The following FRMD4B variants were observed in gnomAD, a reference collection of about 807,000 sequenced individuals.
The protein encoded by FRMD4B is FERM domain containing 4B.
FRMD4B carries 74 observed loss-of-function variants against 141.5 expected under a neutral mutation model. That is an observed-to-expected ratio of 0.52 (90% CI 0.43 to 0.63). The LOEUF (loss-of-function observed/expected upper bound fraction) is 0.63. FRMD4B is among the 30% of genes least tolerant of loss of function. FRMD4B has a pLI of 0.00. For missense variants in FRMD4B, 1,366 were observed against 1,253.4 expected (o/e 1.09, Z -1.36); for synonymous variants, 506 against 467.9 (o/e 1.08, Z -1.05).
intron 11 of FRMD4B, among the ~76,000 whole-genome samples, chr3:69,212,430 G>A (rs933830652): frequency 1.3e-5 from 2 of 148,300 alleles, no homozygotes; most frequent in Non-Finnish European, 3.0e-5. Flanking sequence ...AAGATGGACT[G>A]TGTAGGGTCT....
At chr3:69,395,924 T>C (rs1704466777) in intron 2 of FRMD4B, among the ~76,000 whole-genome samples, 1 of 152,180 alleles carries the variant, frequency 6.6e-6, no homozygotes, top group African/African-American at 2.4e-5. Context: ...GGGGTTTTAC[T>C]TCTGAAGGGA....
intron 4 of FRMD4B, among the ~76,000 whole-genome samples, chr3:69,288,245 C>A (rs776785387): frequency 6.6e-6 from 1 of 152,226 alleles, no homozygotes; most frequent in Non-Finnish European, 1.5e-5. Context: ...CTAACCGAAC[C>A]CCAAAGCCTG....
intron 4 of FRMD4B, among the ~76,000 whole-genome samples, chr3:69,297,808 T>C (rs1328564716): frequency 6.6e-6 from 1 of 152,066 alleles, no homozygotes; most frequent in Non-Finnish European, 1.5e-5. Flanking sequence ...TGGACTCCCA[T>C]GGAAATAGAG....
Position 69,170,350 on chromosome 3 carries a change from AG to A in FRMD4B, c.*1510del, listed in dbSNP as rs2092572109. ...CAGAACAATAAAAGAATATGCAAAA[AG>A]GTTATTTCTGATTCTAGAAGGCTAT... On this transcript the variant is annotated 3_prime_UTR_variant, in exon 23 of 23. Coordinates refer to ENST00000398540, the MANE Select transcript of FRMD4B (RefSeq NM_015123.3). The A allele has an allele frequency of 6.6e-6, 1 of 152,184 alleles. No individual in the cohort carries two copies. The highest frequency in any genetic ancestry group is 2.1e-4 in the South Asian group (1 of 4,832). The allele number at this position is 152,184 out of a possible 1,614,324, so 9.4% of individuals were successfully genotyped here.
At chr3:69,484,618 G>T (rs1027449759) in intron 1 of FRMD4B, among the ~76,000 whole-genome samples, 2 of 152,030 alleles carry the variant, frequency 1.3e-5, no homozygotes, top group Non-Finnish European at 2.9e-5. Flanking sequence ...CCCTGGAGAG[G>T]GTTGCTACTT....
intron 2 of FRMD4B, among the ~76,000 whole-genome samples, chr3:69,396,741 A>C (rs961967074): frequency 6.6e-6 from 1 of 152,194 alleles, no homozygotes; most frequent in Non-Finnish European, 1.5e-5. Flanking sequence ...ATACATTACT[A>C]GTGGGAATGT....
In FRMD4B at chr3:69,212,369, AAAAAAAAAAAAG is replaced by A. The variant is rs1463037349; in HGVS notation, c.876+3882_876+3893del. Among the ~76,000 whole-genome samples, 774 of 93,124 alleles carry A rather than the reference AAAAAAAAAAAAG, an allele frequency of 8.3e-3. 11 individuals carry two copies. Among genetic ancestry groups the A allele is most frequent in the East Asian group, 0.058 (222 of 3,832 alleles). 61.1% of individuals were successfully genotyped at this position (93,124 alleles called of 152,430 possible). A position where few individuals can be genotyped will look rare whatever the true frequency, so the allele number is the denominator to read the frequency against. On this transcript the variant is annotated intron_variant, in intron 11 of 22. Coordinates refer to ENST00000398540, the MANE Select transcript of FRMD4B (RefSeq NM_015123.3). ...AGCGAAACCCCGTCTCAAAAAAAAA[AAAAAAAAAAAAG>A]AAAAAAAAAAAGAAAAAAAAGAAAA...
In FRMD4B at chr3:69,300,137, C is replaced by T. The variant is rs1247168261; in HGVS notation, c.416+2206G>A. ...TCACTTCACTGGAGCACAAGACAACCCCATTTGCAAGACCTCCATAGAACC... is the reference window on the plus strand; with the variant it reads ...TCACTTCACTGGAGCACAAGACAACTCCATTTGCAAGACCTCCATAGAACC... On this transcript the variant is annotated intron_variant, in intron 4 of 22. Transcript: ENST00000398540. 2.0e-5 allele frequency among the ~76,000 whole-genome samples: 3 copies of T among 152,116 alleles called. No individual in the cohort carries two copies. The East Asian group carries it at 5.8e-4, about 29-fold the overall frequency.
At chr3:69,404,412 G>T in intron 2 of FRMD4B, among the ~76,000 whole-genome samples, 1 of 152,140 alleles carries the variant, frequency 6.6e-6, no homozygotes, top group South Asian at 2.1e-4. Context: ...TTTGAGATGT[G>T]ATTATTAGAG....
intron 7 of FRMD4B, among the ~76,000 whole-genome samples, chr3:69,231,534 C>T (rs187448386): frequency 1.2e-3 from 187 of 152,332 alleles, no homozygotes; most frequent in Middle Eastern, 6.8e-3. Flanking sequence ...GTGATCTGCC[C>T]GCCTCCACCT....
chr3:69,422,378 C>T (rs897950074), intron 2 of FRMD4B, among the ~76,000 whole-genome samples: 4 of 131,978 alleles, frequency 3.0e-5, no homozygotes, highest in Non-Finnish European at 4.9e-5. Flanking sequence ...CAGAGCGAGA[C>T]TCTGAAAAAA....
At chr3:69,456,334 C>T (rs1705613378) in intron 1 of FRMD4B, among the ~76,000 whole-genome samples, 1 of 152,088 alleles carries the variant, frequency 6.6e-6, no homozygotes, top group African/African-American at 2.4e-5. Flanking sequence ...TAGCAAAAGA[C>T]TAAAAAAATT....
intron 1 of FRMD4B, among the ~76,000 whole-genome samples, chr3:69,327,267 G>C (rs556428452): frequency 6.6e-6 from 1 of 152,154 alleles, no homozygotes; most frequent in Non-Finnish European, 1.5e-5. Context: ...AAAAAGTACT[G>C]CGTCTTTCAA....
intron 2 of FRMD4B, among the ~76,000 whole-genome samples, chr3:69,403,523 T>C (rs1704602168): frequency 6.6e-6 from 1 of 152,152 alleles, no homozygotes; most frequent in Non-Finnish European, 1.5e-5. Flanking sequence ...CCCCCTGAAA[T>C]GAGTGGGGAA....
At chr3:69,377,134 TA>T (rs1300744485) in intron 1 of FRMD4B, 2 of 152,222 alleles carry the variant, frequency 1.3e-5, no homozygotes, top group African/African-American at 2.4e-5. Flanking sequence ...AAAATTAAGA[TA>T]AAAAATTAAA....
intron 7 of FRMD4B, among the ~76,000 whole-genome samples, chr3:69,224,914 C>G (rs1218216961): frequency 2.0e-5 from 3 of 152,076 alleles, no homozygotes; most frequent in African/African-American, 7.2e-5. Flanking sequence ...CTATTTTACA[C>G]GTAACTATGA....
chr3:69,440,561 T>C (rs529763846), intron 1 of FRMD4B, among the ~76,000 whole-genome samples: 2 of 152,230 alleles, frequency 1.3e-5, no homozygotes, highest in Non-Finnish European at 2.9e-5. Flanking sequence ...TCCCAGCACT[T>C]TGGGAAGCCA....
intron 1 of FRMD4B, among the ~76,000 whole-genome samples, chr3:69,509,078 T>C (rs753320517): frequency 6.6e-6 from 1 of 152,204 alleles, no homozygotes; most frequent in Non-Finnish European, 1.5e-5. Context: ...AAGTGATACA[T>C]GGATGATCAC....
intron 2 of FRMD4B, among the ~76,000 whole-genome samples, chr3:69,423,371 G>C (rs575162839): frequency 7.6e-6 from 1 of 130,894 alleles, no homozygotes; most frequent in East Asian, 2.1e-4. Flanking sequence ...CAAAAAATTT[G>C]AGTCACCCAA....
Sources: gnomAD v4.1 joint callset for allele counts (sites outside exome capture counted in the v4.1 genomes callset) on GRCh38, gnomAD v4.1.1 for gene constraint, MANE v1.5 for transcripts, NCBI Gene and HGNC (gene_info 2026-07-23, HGNC 2026-07-21) for gene names.